FRK: variants seen among roughly 807,000 people sequenced by gnomAD.
FRK encodes the protein fyn related Src family tyrosine kinase, also known as tyrosine-protein kinase FRK.
Under a neutral mutation model 56.4 loss-of-function variants are expected in FRK, and 51 were observed. The ratio of observed to expected loss-of-function variants is 0.90; its 90% confidence interval spans 0.72 to 1.14. FRK has a LOEUF of 1.14. Ranked by LOEUF, FRK falls within the 50% of genes most tolerant of loss-of-function variation. The probability of loss-of-function intolerance (pLI) is 0.00; values close to 1 mark genes in which losing one functional copy is unlikely to be tolerated. For synonymous variants in FRK, 245 were observed against 217.9 expected, an observed-to-expected ratio of 1.12 and a Z score of -1.10; for missense variants, 570 against 601.4, an observed-to-expected ratio of 0.95 and a Z score of 0.55.
rs1179248171 is a variant in FRK at position 115,941,488 on chromosome 6, A to G, written c.*926T>C. 6.6e-6 allele frequency: 1 copy of G among 152,168 alleles called. No homozygotes were observed. Among genetic ancestry groups the G allele is most frequent in the Admixed American group, 6.5e-5 (1 of 15,278 alleles). The allele number at this position is 152,168 out of a possible 1,614,324, so 9.4% of individuals were successfully genotyped here. ...GCACATGCACCCCAGAACTTAAACT[A>G]TAATAAAAAGTAAAAAATAAAAAAT... On this transcript the variant is annotated 3_prime_UTR_variant, in exon 8 of 8. Coordinates refer to ENST00000606080, the MANE Select transcript of FRK (RefSeq NM_002031.3).
At chr6:116,010,130 G>C (rs1402666016) in intron 1 of FRK, among the ~76,000 whole-genome samples, 1 of 151,962 alleles carries the variant, frequency 6.6e-6, no homozygotes, top group Non-Finnish European at 1.5e-5. Flanking sequence ...GCTGAGGCAG[G>C]AGAATCGCTT....
At chr6:116,026,164 C>T (rs1263058027) in intron 1 of FRK, among the ~76,000 whole-genome samples, 2 of 152,126 alleles carry the variant, frequency 1.3e-5, no homozygotes, top group Non-Finnish European at 2.9e-5. Flanking sequence ...TCTTTCCATA[C>T]TCCTCCCTCC....
intron 2 of FRK, among the ~76,000 whole-genome samples, chr6:115,980,755 T>C (rs964070765): frequency 6.6e-6 from 1 of 152,130 alleles, no homozygotes; most frequent in African/African-American, 2.4e-5. Context: ...AAAGAACTCA[T>C]GAACTCATTT....
intron 5 of FRK, among the ~76,000 whole-genome samples, chr6:115,947,208 T>A (rs1772491971): frequency 6.6e-6 from 1 of 152,164 alleles, no homozygotes; most frequent in Non-Finnish European, 1.5e-5. Context: ...GCTTTATAAT[T>A]ACATGTTAAA....
At chr6:116,051,460 G>A (rs939286225) in intron 1 of FRK, among the ~76,000 whole-genome samples, 1 of 152,070 alleles carries the variant, frequency 6.6e-6, no homozygotes, top group Non-Finnish European at 1.5e-5. Flanking sequence ...TTACACAAGG[G>A]ACAGTCTATG....
At chr6:116,091,061 G>A in the FRK span, among the ~76,000 whole-genome samples, 1 of 152,038 alleles carries the variant, frequency 6.6e-6, no homozygotes, top group Non-Finnish European at 1.5e-5. Flanking sequence ...TTAAAATCTA[G>A]ACACAATCTT....
chr6:116,065,779 A>G (rs1443049433), upstream of FRK, among the ~76,000 whole-genome samples: 1 of 152,130 alleles, frequency 6.6e-6, no homozygotes, highest in Non-Finnish European at 1.5e-5. Flanking sequence ...TCCTATATTG[A>G]CACAATGCCT....
At chr6:116,057,893 G>A (rs1777457235) in intron 1 of FRK, among the ~76,000 whole-genome samples, 1 of 152,006 alleles carries the variant, frequency 6.6e-6, no homozygotes, top group Non-Finnish European at 1.5e-5. Flanking sequence ...TGATACCTTC[G>A]GATTGCTTGA....
At chr6:116,056,020 G>A (rs1423186539) in intron 1 of FRK, among the ~76,000 whole-genome samples, 10 of 152,126 alleles carry the variant, frequency 6.6e-5, no homozygotes, top group South Asian at 2.1e-4. Flanking sequence ...TCAAGTTGGC[G>A]AAGCAGAAAT....
At chr6:116,001,298 C>A (rs1261760695) in intron 2 of FRK, among the ~76,000 whole-genome samples, 2 of 151,082 alleles carry the variant, frequency 1.3e-5, no homozygotes, top group African/African-American at 4.9e-5. Context: ...TACATGCATA[C>A]ATGCATGCAC....
upstream of FRK, among the ~76,000 whole-genome samples, chr6:116,065,757 G>C (rs1777750156): frequency 6.6e-6 from 1 of 152,064 alleles, no homozygotes; most frequent in South Asian, 2.1e-4. Flanking sequence ...ACTTAATGTA[G>C]TGTTCTTTTG....
chr6:116,092,099 G>C, the FRK span, among the ~76,000 whole-genome samples: 1 of 152,084 alleles, frequency 6.6e-6, no homozygotes, highest in African/African-American at 2.4e-5. Context: ...CTATAAGAAT[G>C]ATTTCTAGTA....
chr6:115,947,607 C>A (rs1330262835), intron 5 of FRK, among the ~76,000 whole-genome samples: 2 of 152,016 alleles, frequency 1.3e-5, no homozygotes, highest in Admixed American at 6.6e-5. Flanking sequence ...GGATGCATTT[C>A]AAAATGGTAG....
intron 1 of FRK, among the ~76,000 whole-genome samples, chr6:116,045,658 C>G (rs1370638076): frequency 6.6e-6 from 1 of 152,154 alleles, no homozygotes; most frequent in African/African-American, 2.4e-5. Context: ...CAATACCATT[C>G]AGGACATAGG....
chr6:115,990,452 T>C (rs1774554190), intron 2 of FRK, among the ~76,000 whole-genome samples: 1 of 151,898 alleles, frequency 6.6e-6, no homozygotes, highest in African/African-American at 2.4e-5. Context: ...TTAATTTTTG[T>C]ATTTAGAGAG....
At chr6:116,037,563 C>G (rs911342494) in intron 1 of FRK, among the ~76,000 whole-genome samples, 1 of 152,132 alleles carries the variant, frequency 6.6e-6, no homozygotes, top group Non-Finnish European at 1.5e-5. Flanking sequence ...GACTTATTTC[C>G]ATACTGAGCA....
chr6:115,995,614 A>G (rs1231221668), intron 2 of FRK, among the ~76,000 whole-genome samples: 1 of 152,162 alleles, frequency 6.6e-6, no homozygotes. Flanking sequence ...AGGGAAAAAA[A>G]AGAAAACAAG....
the FRK span, among the ~76,000 whole-genome samples, chr6:116,069,186 A>G: frequency 6.6e-6 from 1 of 152,148 alleles, no homozygotes; most frequent in African/African-American, 2.4e-5. Context: ...ACACTATCAA[A>G]TTTCCCCAAA....
rs1772119937 is a variant in FRK, at chr6:115,939,675, C to G, written c.*2739G>C. 1 of 152,120 alleles carries G rather than the reference C, an allele frequency of 6.6e-6. No individual in the cohort carries two copies. The highest frequency in any genetic ancestry group is 1.5e-5 in the Non-Finnish European group (1 of 68,054). 9.4% of individuals were successfully genotyped at this position (152,120 alleles called of 1,614,324 possible). On this transcript the variant is annotated 3_prime_UTR_variant, in exon 8 of 8. Coordinates refer to ENST00000606080, the MANE Select transcript of FRK (RefSeq NM_002031.3). ...TCAATGTGCAAAAATCACACACATTCCTATACACCAATAACAAACAGAGAG... is the reference window on the plus strand; with the variant it reads ...TCAATGTGCAAAAATCACACACATTGCTATACACCAATAACAAACAGAGAG...
Sources: allele counts gnomAD v4.1 joint callset (sites outside exome capture counted in the v4.1 genomes callset), GRCh38; gene constraint gnomAD v4.1.1; transcripts MANE v1.5; gene names NCBI Gene and HGNC (gene_info 2026-07-23, HGNC 2026-07-21).